HNRNPLL: variants seen among roughly 807,000 people sequenced by gnomAD.
HNRNPLL encodes heterogeneous nuclear ribonucleoprotein L like.
Under a neutral mutation model 67.1 loss-of-function variants are expected in HNRNPLL, and 25 were observed. That is an observed-to-expected ratio of 0.37 (90% CI 0.27 to 0.52). HNRNPLL has a LOEUF of 0.52. Among genes scored for constraint, HNRNPLL ranks in the 20% least tolerant of loss-of-function variants. The pLI is 0.90. For synonymous variants in HNRNPLL, 267 were observed against 241.7 expected (o/e 1.10, Z -0.97); for missense variants, 542 against 673.9 (o/e 0.80, Z 2.17).
chr2:38,577,801 A>G, intron 6 of HNRNPLL: 1 of 471,332 alleles, frequency 2.1e-6, no homozygotes, highest in South Asian at 2.0e-5. Flanking sequence ...TTAAGGAAGA[A>G]TGGATACTTT....
chr2:38,583,706 T>G, intron 4 of HNRNPLL, 135 bp downstream of exon 4: 1 of 499,988 alleles, frequency 2.0e-6, no homozygotes, highest in African/African-American at 2.0e-5. Flanking sequence ...TACTGCAGTT[T>G]CATTTTTTAA....
At chr2:38,582,474 C>A (rs185045178) in intron 4 of HNRNPLL, among the ~76,000 whole-genome samples, 1 of 150,870 alleles carries the variant, frequency 6.6e-6, no homozygotes, top group Admixed American at 6.6e-5. Context: ...CCGCACCCGG[C>A]TAATTTTTAA....
At chr2:38,565,039 T>C (rs1665803629) in intron 12 of HNRNPLL, among the ~76,000 whole-genome samples, 1 of 151,008 alleles carries the variant, frequency 6.6e-6, no homozygotes, top group African/African-American at 2.4e-5. Context: ...CACAAAAATA[T>C]TTCCATTTTG....
chr2:38,597,105 T>A (rs1381637832), intron 1 of HNRNPLL, among the ~76,000 whole-genome samples: 2 of 152,234 alleles, frequency 1.3e-5, no homozygotes, highest in Non-Finnish European at 2.9e-5. Context: ...GACTACTGCA[T>A]ATTAAGGACT....
At chr2:38,579,737 TTTTA>T (rs999611081) in intron 6 of HNRNPLL, among the ~76,000 whole-genome samples, 1 of 138,796 alleles carries the variant, frequency 7.2e-6, no homozygotes, top group Non-Finnish European at 1.5e-5. Flanking sequence ...TTAAAAAAGT[TTTTA>T]TTTTTTTTGG....
intron 1 of HNRNPLL, 82 bp from the exon 2 acceptor site, chr2:38,591,730 C>A: frequency 1.2e-6 from 1 of 800,004 alleles, no homozygotes; most frequent in Admixed American, 2.2e-5. Context: ...AATCCCTGCA[C>A]TTTGGGAGGT....
intron 8 of HNRNPLL, 60 bp from the exon 9 acceptor site, chr2:38,569,985 T>G (rs1335137971): frequency 8.0e-7 from 1 of 1,248,546 alleles, no homozygotes; most frequent in African/African-American, 1.5e-5. Context: ...TAAAAGAAAT[T>G]TTAAAACACA....
At chr2:38,589,565 A>T (rs940191636) in intron 2 of HNRNPLL, among the ~76,000 whole-genome samples, 11 of 152,186 alleles carry the variant, frequency 7.2e-5, no homozygotes, top group African/African-American at 2.2e-4. Context: ...TATCCACATA[A>T]CTACCAATCT....
chr2:38,591,408 G>A, intron 2 of HNRNPLL, 122 bp downstream of exon 2: 1 of 682,402 alleles, frequency 1.5e-6, no homozygotes, highest in East Asian at 2.6e-5. Context: ...GCAAACAATA[G>A]ATACTACTTT....
chr2:38,576,235 T>C (rs1666296452), intron 7 of HNRNPLL, among the ~76,000 whole-genome samples: 1 of 151,830 alleles, frequency 6.6e-6, no homozygotes, highest in Non-Finnish European at 1.5e-5. Flanking sequence ...TTTAACCAGT[T>C]TTTAGCCTTC....
intron 2 of HNRNPLL, among the ~76,000 whole-genome samples, chr2:38,588,391 T>C (rs557947282): frequency 4.0e-5 from 6 of 151,174 alleles, no homozygotes; most frequent in African/African-American, 1.2e-4. Context: ...CTACTAAAAA[T>C]ATAAAAAATT....
chr2:38,600,049 T>C, intron 1 of HNRNPLL: 1 of 341,558 alleles, frequency 2.9e-6, no homozygotes, highest in Non-Finnish European at 6.0e-6. Context: ...GGGGAACGTC[T>C]ATCCTAATAA....
chr2:38,578,251 A>C (rs1172394212), intron 6 of HNRNPLL, among the ~76,000 whole-genome samples: 1 of 152,086 alleles, frequency 6.6e-6, no homozygotes, highest in Non-Finnish European at 1.5e-5. Flanking sequence ...ACTCTAAAGG[A>C]TAATTTTTAT....
intron 1 of HNRNPLL, among the ~76,000 whole-genome samples, chr2:38,593,812 G>A (rs544917169): frequency 4.6e-5 from 7 of 151,200 alleles, no homozygotes; most frequent in South Asian, 4.2e-4. Context: ...GCAGTGAGCC[G>A]AGATTGTGCC....
intron 8 of HNRNPLL, among the ~76,000 whole-genome samples, chr2:38,570,749 C>CCAGGGA (rs1168732391): frequency 6.6e-6 from 1 of 152,060 alleles, no homozygotes; most frequent in Non-Finnish European, 1.5e-5. Context: ...ATGCCTGAAA[C>CCAGGGA]TGCAGACAAT....
Position 38,583,039 on chromosome 2 carries a change from GA to G in HNRNPLL, c.632+801del, listed in dbSNP as rs1157364864. 3.9e-5 allele frequency among the ~76,000 whole-genome samples: 6 copies of G among 152,038 alleles called. No individual in the cohort carries two copies. In the East Asian group the frequency reaches 1.2e-3, roughly 29 times the overall value. On this transcript the variant is annotated intron_variant, in intron 4 of 12. Coordinates refer to ENST00000449105, the MANE Select transcript of HNRNPLL (RefSeq NM_138394.4). ...AAGGACAACTTGCAACCTTGAAACAGAAAAGATTTTACTCTTTAAGAAGAAC... is the reference window on the plus strand; with the variant it reads ...AAGGACAACTTGCAACCTTGAAACAGAAAGATTTTACTCTTTAAGAAGAAC...
chr2:38,595,784 C>T (rs1394097024), intron 1 of HNRNPLL, among the ~76,000 whole-genome samples: 1 of 152,088 alleles, frequency 6.6e-6, no homozygotes, highest in African/African-American at 2.4e-5. Context: ...GCAGAGCTTG[C>T]AGTGAGCTGA....
At chr2:38,582,035 A>C in intron 5 of HNRNPLL, 37 bp downstream of exon 5, 1 of 1,600,548 alleles carries the variant, frequency 6.2e-7, no homozygotes, top group Non-Finnish European at 8.6e-7. Context: ...CCAAAGCATA[A>C]ATATTTCTTG....
chr2:38,600,475 C>A (rs556122700), intron 1 of HNRNPLL, among the ~76,000 whole-genome samples: 2 of 152,140 alleles, frequency 1.3e-5, no homozygotes, highest in East Asian at 3.9e-4. Flanking sequence ...GGCTGTAATC[C>A]CAGCACTTTG....
Sources: allele counts gnomAD v4.1 joint callset (sites outside exome capture counted in the v4.1 genomes callset), GRCh38; gene constraint gnomAD v4.1.1; transcripts MANE v1.5; gene names NCBI Gene and HGNC (gene_info 2026-07-23, HGNC 2026-07-21).